EFHC2: variants seen among roughly 807,000 people sequenced by gnomAD.
EFHC2 encodes EF-hand domain containing 2.
EFHC2 carries 18 observed loss-of-function variants against 52.7 expected under a neutral mutation model. The observed-to-expected ratio is 0.34, with a 90% CI of 0.24 to 0.51. The LOEUF (loss-of-function observed/expected upper bound fraction) is 0.51. Among genes scored for constraint, EFHC2 ranks in the 20% least tolerant of loss-of-function variants. The pLI is 0.97. For synonymous variants in EFHC2, 203 were observed against 204.1 expected (o/e 0.99, Z 0.04); for missense variants, 513 against 562.5 (o/e 0.91, Z 0.89).
rs751418073 is a variant in EFHC2 at position 44,197,915 on chromosome X, C to T, written c.1752-19351G>A. 1.5e-4 allele frequency among the ~76,000 whole-genome samples: 17 copies of T among 112,098 alleles called. No individual in the cohort carries two copies. In the South Asian group the frequency reaches 2.6e-3, roughly 17 times the overall value. On this transcript the variant is annotated intron_variant, in intron 11 of 14. Coordinates refer to ENST00000420999, the MANE Select transcript of EFHC2 (RefSeq NM_025184.4). Reference sequence around the variant, plus strand: ...TACAAATTAGCATTTACTTACTGCTCCCATTTTTAAACACAAAATTTGCAA... The same window carrying T: ...TACAAATTAGCATTTACTTACTGCTTCCATTTTTAAACACAAAATTTGCAA...
At chrX:44,164,581 C>T (rs914018392) in intron 13 of EFHC2, among the ~76,000 whole-genome samples, 1 of 111,551 alleles carries the variant, frequency 9.0e-6, no homozygotes. Flanking sequence ...TCTTGATACA[C>T]GGTTAAGTAG....
At chrX:44,152,578 A>AAG (rs2036578308) in intron 14 of EFHC2, among the ~76,000 whole-genome samples, 1 of 111,593 alleles carries the variant, frequency 9.0e-6, no homozygotes, top group Non-Finnish European at 1.9e-5. Flanking sequence ...ACCAACTGGC[A>AAG]GTATGAAGAG....
At chrX:44,317,461 A>T (rs1296017039) in intron 1 of EFHC2, among the ~76,000 whole-genome samples, 1 of 112,775 alleles carries the variant, frequency 8.9e-6, no homozygotes, top group Non-Finnish European at 1.9e-5. Context: ...AATATGTCCA[A>T]TGCCATTAGT....
At chrX:44,187,057 T>C (rs2147285690) in intron 11 of EFHC2, among the ~76,000 whole-genome samples, 1 of 103,358 alleles carries the variant, frequency 9.7e-6, no homozygotes, top group East Asian at 3.1e-4. Flanking sequence ...AGGTCAAAGT[T>C]GTAGTGAGCT....
At chrX:44,237,477 A>G (rs1217583123) in intron 8 of EFHC2, among the ~76,000 whole-genome samples, 1 of 111,541 alleles carries the variant, frequency 9.0e-6, no homozygotes, top group Non-Finnish European at 1.9e-5. Flanking sequence ...TTGTCCCCAA[A>G]CAAATTATAA....
chrX:44,314,441 C>G (rs772081669), intron 1 of EFHC2, among the ~76,000 whole-genome samples: 12 of 112,238 alleles, frequency 1.1e-4, no homozygotes, highest in African/African-American at 3.9e-4. Context: ...CAGCCCTCCC[C>G]AGGGGAGTCA....
At chrX:44,193,250 G>A (rs1421452815) in intron 11 of EFHC2, among the ~76,000 whole-genome samples, 2 of 45,470 alleles carry the variant, frequency 4.4e-5, no homozygotes, top group African/African-American at 2.0e-4. Flanking sequence ...CCCCACCCCC[G>A]ACCCCTTCAA....
At position 44,248,791 on chromosome X, in the gene EFHC2, G is replaced by A. The variant is rs1472250374; in HGVS notation, c.972+12C>T. ...ACACTAGAAACAGGTAATAAAATAT[G>A]AGGTTCCTTCCCTTATATCTATCGA... is the stretch of plus-strand genomic sequence containing the variant. On this transcript the variant is annotated intron_variant, in intron 6 of 14. Coordinates refer to ENST00000420999, the MANE Select transcript of EFHC2 (RefSeq NM_025184.4). 2 of 1,176,801 alleles carry A rather than the reference G, an allele frequency of 1.7e-6. No homozygotes were observed. The highest frequency in any genetic ancestry group is 4.4e-5 in the Admixed American group (2 of 45,241).
At chrX:44,215,811 C>T (rs1333402206) in intron 11 of EFHC2, among the ~76,000 whole-genome samples, 1 of 111,909 alleles carries the variant, frequency 8.9e-6, no homozygotes, top group East Asian at 2.8e-4. Context: ...AAGAGATTCC[C>T]TACTGTTCTT....
chrX:44,178,169 A>ACACACACACAC (rs3037408), intron 12 of EFHC2, among the ~76,000 whole-genome samples, 198 bp downstream of exon 12: 26 of 107,388 alleles, frequency 2.4e-4, no homozygotes, highest in Middle Eastern at 4.8e-3. Context: ...ACACACACAC[A>ACACACACACAC]AGCTCTCCAT....
At chrX:44,173,123 T>C (rs1451872966) in intron 13 of EFHC2, among the ~76,000 whole-genome samples, 2 of 112,160 alleles carry the variant, frequency 1.8e-5, no homozygotes, top group African/African-American at 6.5e-5. Context: ...TGGGTAACAA[T>C]TACTGGGTGA....
chrX:44,317,935 C>G (rs57102830), intron 1 of EFHC2, among the ~76,000 whole-genome samples: 18,201 of 112,195 alleles, frequency 0.16, 1,181 homozygotes, highest in African/African-American at 0.25. Flanking sequence ...GGGATGTACA[C>G]TAGTATGGCT....
At chrX:44,158,438 G>T (rs1390124498) in intron 14 of EFHC2, among the ~76,000 whole-genome samples, 1 of 111,052 alleles carries the variant, frequency 9.0e-6, no homozygotes, top group African/African-American at 3.3e-5. Context: ...ACTGGAGGAA[G>T]GGTGCAGCTT....
intron 1 of EFHC2, among the ~76,000 whole-genome samples, chrX:44,334,077 G>A (rs980350078): frequency 8.9e-6 from 1 of 112,137 alleles, no homozygotes; most frequent in Non-Finnish European, 1.9e-5. Context: ...AAGTTCTTAT[G>A]AGAAAATTAA....
rs2036532626 is a variant in EFHC2 at position 44,147,926 on chromosome X, G to A, written c.*869C>T. ...ATCAAATGTACACTACATGACAAGA[G>A]TTCTGCTGAAGAAAAATAAAAATAG... On this transcript the variant is annotated 3_prime_UTR_variant, in exon 15 of 15. Transcript: ENST00000420999. 9.0e-6 allele frequency: 1 copy of A among 110,942 alleles called. No homozygotes were observed. The highest frequency in any genetic ancestry group is 1.9e-5 in the Non-Finnish European group (1 of 53,064). 9.1% of individuals were successfully genotyped at this position (110,942 alleles called of 1,213,427 possible). A position where few individuals can be genotyped will look rare whatever the true frequency, so the allele number is the denominator to read the frequency against.
At chrX:44,270,758 C>T (rs892984599) in intron 3 of EFHC2, among the ~76,000 whole-genome samples, 1 of 110,905 alleles carries the variant, frequency 9.0e-6, no homozygotes, top group Non-Finnish European at 1.9e-5. Flanking sequence ...GCCCAAGAAA[C>T]ACAAACAAAA....
intron 14 of EFHC2, among the ~76,000 whole-genome samples, chrX:44,161,294 T>C (rs2036652820): frequency 8.9e-6 from 1 of 111,766 alleles, no homozygotes; most frequent in African/African-American, 3.3e-5. Context: ...ATAAAGTGAC[T>C]AGTTACAAAG....
chrX:44,199,543 CAA>C (rs1285848963), intron 11 of EFHC2, among the ~76,000 whole-genome samples: 17 of 112,269 alleles, frequency 1.5e-4, no homozygotes, highest in African/African-American at 5.5e-4. Flanking sequence ...CAAAATTACT[CAA>C]AGAGTTCTAT....
chrX:44,214,184 T>C (rs975198370), intron 11 of EFHC2, among the ~76,000 whole-genome samples: 1 of 111,743 alleles, frequency 8.9e-6, no homozygotes, highest in Admixed American at 9.5e-5. Context: ...AAGTAATGAT[T>C]GAGAAATTCC....
Sources: allele counts gnomAD v4.1 joint callset (sites outside exome capture counted in the v4.1 genomes callset), GRCh38; gene constraint gnomAD v4.1.1; transcripts MANE v1.5; gene names NCBI Gene and HGNC (gene_info 2026-07-23, HGNC 2026-07-21).